Variants in NTM observed in about 807,000 individuals in gnomAD.
The protein encoded by NTM is IgLON family member 2.
A neutral mutation model predicts 42.1 loss-of-function variants in NTM; 13 were observed. That is an observed-to-expected ratio of 0.31 (90% CI 0.20 to 0.49). NTM has a LOEUF of 0.49. Among genes scored for constraint, NTM ranks in the 20% least tolerant of loss-of-function variants. The probability of loss-of-function intolerance (pLI) is 0.99; values close to 1 mark genes in which losing one functional copy is unlikely to be tolerated. For missense variants in NTM, 373 were observed against 452.8 expected (o/e 0.82, Z 1.60); for synonymous variants, 187 against 179.2 (o/e 1.04, Z -0.35).
chr11:132,141,271 CCTCT>C (rs552940074), intron 2 of NTM, among the ~76,000 whole-genome samples: 1 of 151,668 alleles, frequency 6.6e-6, no homozygotes, highest in Non-Finnish European at 1.5e-5. Context: ...CCCCCCTACC[CCTCT>C]CTCTCTATCT....
At chr11:131,965,094 T>G (rs1438760647) in intron 2 of NTM, among the ~76,000 whole-genome samples, 2 of 151,420 alleles carry the variant, frequency 1.3e-5, no homozygotes, top group Non-Finnish European at 2.9e-5. Flanking sequence ...GGAAATAGAA[T>G]AGGGGAGCAT....
At chr11:131,751,037 G>A (rs2082432643) in intron 1 of NTM, among the ~76,000 whole-genome samples, 1 of 152,068 alleles carries the variant, frequency 6.6e-6, no homozygotes, top group Non-Finnish European at 1.5e-5. Context: ...TCACCCCACG[G>A]CCACTTTCTC....
chr11:131,552,192 G>A (rs1008974508), intron 1 of NTM, among the ~76,000 whole-genome samples: 1 of 152,180 alleles, frequency 6.6e-6, no homozygotes, highest in Non-Finnish European at 1.5e-5. Flanking sequence ...AAAAGAGAGA[G>A]AGAGGAAGAG....
At chr11:131,497,966 TG>T in intron 1 of NTM, among the ~76,000 whole-genome samples, 1 of 152,304 alleles carries the variant, frequency 6.6e-6, no homozygotes. Context: ...TTAGACTGTG[TG>T]GTCCAACCCT....
intron 4 of NTM, among the ~76,000 whole-genome samples, chr11:132,215,529 G>T (rs912959005): frequency 6.6e-6 from 1 of 152,138 alleles, no homozygotes; most frequent in Non-Finnish European, 1.5e-5. Context: ...GGCAGCTTAG[G>T]AGTGACCATC....
chr11:132,174,940 G>T (rs146691425), intron 3 of NTM, among the ~76,000 whole-genome samples: 2 of 152,132 alleles, frequency 1.3e-5, no homozygotes, highest in African/African-American at 2.4e-5. Flanking sequence ...TCTTCTGGAC[G>T]AATATTTCTG....
intron 2 of NTM, among the ~76,000 whole-genome samples, chr11:132,014,365 T>C (rs1005647332): frequency 6.6e-6 from 1 of 152,138 alleles, no homozygotes; most frequent in Non-Finnish European, 1.5e-5. Context: ...GGTGCACAGC[T>C]ATCCCTTTGA....
intron 1 of NTM, among the ~76,000 whole-genome samples, chr11:131,431,222 G>C (rs1429472929): frequency 6.6e-6 from 1 of 152,124 alleles, no homozygotes; most frequent in East Asian, 1.9e-4. Flanking sequence ...TGTCTTGTGG[G>C]CAGTGGGAGA....
chr11:131,443,089 G>C (rs573775225), intron 1 of NTM, among the ~76,000 whole-genome samples: 1 of 152,276 alleles, frequency 6.6e-6, no homozygotes, highest in South Asian at 2.1e-4. Context: ...ATTCTTACCT[G>C]TTTCCATCTC....
intron 1 of NTM, among the ~76,000 whole-genome samples, chr11:131,867,191 CG>C (rs1356316101): frequency 1.3e-5 from 2 of 152,200 alleles, no homozygotes; most frequent in East Asian, 3.9e-4. Context: ...GTGCAGGGCT[CG>C]GGAAAGAATG....
chr11:131,860,233 G>A (rs2046496141), intron 1 of NTM, among the ~76,000 whole-genome samples: 1 of 152,076 alleles, frequency 6.6e-6, no homozygotes, highest in Non-Finnish European at 1.5e-5. Flanking sequence ...GTGTTTGGAG[G>A]GTCTCTGGAA....
At chr11:132,044,080 TTGTGTGTA>T (rs1244554094) in intron 2 of NTM, among the ~76,000 whole-genome samples, 1 of 42,382 alleles carries the variant, frequency 2.4e-5, no homozygotes, top group African/African-American at 7.6e-5. Flanking sequence ...GTGTATGTGT[TTGTGTGTA>T]TGTGTGTATG....
chr11:131,430,003 G>A (rs146270025), intron 1 of NTM, among the ~76,000 whole-genome samples: 217 of 152,216 alleles, frequency 1.4e-3, no homozygotes, highest in Admixed American at 4.1e-3. Flanking sequence ...ACCTAGTGTC[G>A]AATGAAGCAC....
At chr11:131,500,579 T>TACATATATATATATATATATATATA (rs2046666194) in intron 1 of NTM, among the ~76,000 whole-genome samples, 3 of 12,944 alleles carry the variant, frequency 2.3e-4, no homozygotes, top group Admixed American at 7.9e-4. Context: ...ATATATATAT[T>TACATATATATATATATATATATATA]TTTTTTTTTT....
At chr11:131,724,775 C>T (rs901182604) in intron 1 of NTM, among the ~76,000 whole-genome samples, 8 of 152,076 alleles carry the variant, frequency 5.3e-5, no homozygotes, top group African/African-American at 1.2e-4. Flanking sequence ...TGCTGGATCT[C>T]GGGTGAAGGA....
At chr11:131,384,714 C>A (rs537965761) in intron 1 of NTM, among the ~76,000 whole-genome samples, 2 of 152,080 alleles carry the variant, frequency 1.3e-5, no homozygotes, top group South Asian at 4.2e-4. Context: ...AGAAAGAAGT[C>A]TTGAAAAGAA....
chr11:131,480,916 TTTGAAAA>T (rs1221858045), intron 1 of NTM, among the ~76,000 whole-genome samples: 2 of 152,116 alleles, frequency 1.3e-5, no homozygotes, highest in Non-Finnish European at 2.9e-5. Flanking sequence ...TATTGTGGCC[TTTGAAAA>T]TTGAGGAGGG....
chr11:132,283,031 T>C (rs1039960574), intron 4 of NTM, among the ~76,000 whole-genome samples: 23 of 140,698 alleles, frequency 1.6e-4, no homozygotes, highest in Non-Finnish European at 2.7e-4. Flanking sequence ...TCTGTCTCCA[T>C]GCCAAAGTGC....
At chr11:131,739,193 T>A (rs534170187) in intron 1 of NTM, among the ~76,000 whole-genome samples, 1 of 152,100 alleles carries the variant, frequency 6.6e-6, no homozygotes, top group Admixed American at 6.6e-5. Flanking sequence ...TTTTCTTTTT[T>A]TTTTTTTAAA....
Sources: gnomAD v4.1 joint callset for allele counts (sites outside exome capture counted in the v4.1 genomes callset) on GRCh38, gnomAD v4.1.1 for gene constraint, MANE v1.5 for transcripts, NCBI Gene and HGNC (gene_info 2026-07-23, HGNC 2026-07-21) for gene names.